The following WDR19 variants were observed in gnomAD, a reference collection of about 807,000 sequenced individuals.
WDR19 encodes the protein WD repeat domain 19.
Under a neutral mutation model 180.0 loss-of-function variants are expected in WDR19, and 121 were observed. The observed-to-expected ratio is 0.67, with a 90% CI of 0.58 to 0.78. The LOEUF (loss-of-function observed/expected upper bound fraction) is 0.78. Ranked by LOEUF, WDR19 falls within the 30% of genes least tolerant of loss-of-function variation. WDR19 has a pLI of 0.00. For synonymous variants in WDR19, 497 were observed against 540.7 expected (o/e 0.92, Z 1.12); for missense variants, 1,450 against 1,640.7 (o/e 0.88, Z 2.01).
Position 39,228,701 on chromosome 4 carries a change from A to T in WDR19, c.1982+11A>T. On this transcript the variant is annotated intron_variant, in intron 17 of 36. Coordinates refer to ENST00000399820, the MANE Select transcript of WDR19 (RefSeq NM_025132.4). ...TTTAATGCTAAAGAGGTAGGCTTTC[A>T]CACACTTCTTTTGGAACTTCTCATT... is the stretch of plus-strand genomic sequence containing the variant. 6.5e-7 allele frequency: 1 copy of T among 1,528,190 alleles called. No individual in the cohort carries two copies. The highest frequency in any genetic ancestry group is 8.8e-7 in the Non-Finnish European group (1 of 1,137,412). The allele number at this position is 1,528,190 out of a possible 1,614,324, so 94.7% of individuals were successfully genotyped here.
At chr4:39,229,112 C>G (rs188103802) in intron 17 of WDR19, among the ~76,000 whole-genome samples, 1 of 152,194 alleles carries the variant, frequency 6.6e-6, no homozygotes, top group Admixed American at 6.5e-5. Context: ...CATATTGCTG[C>G]AAAAGACATG....
At chr4:39,261,284 G>A (rs190802982) in intron 28 of WDR19, among the ~76,000 whole-genome samples, 90 of 152,048 alleles carry the variant, frequency 5.9e-4, no homozygotes, top group African/African-American at 2.0e-3. Context: ...GAGCCACCGC[G>A]CCCGGCCTGG....
At position 39,277,121 on chromosome 4, in the gene WDR19, GTATCCCA is replaced by G; in HGVS notation, c.3822_3828del (p.Pro1275AlafsTer9). On this transcript the variant is annotated frameshift_variant, in exon 34 of 37. Transcript: ENST00000399820. LOFTEE classifies it high-confidence loss of function. ...CTCCTCTGTCCTGGATGTAAAAACA[GTATCCCA>G]TATTGCATTGCAACAGTGAGTTCCT... 6.2e-7 allele frequency: 1 copy of G among 1,612,552 alleles called. No individual in the cohort carries two copies. The highest frequency in any genetic ancestry group is 8.5e-7 in the Non-Finnish European group (1 of 1,179,388).
chr4:39,238,413 C>T (rs896479), intron 20 of WDR19, among the ~76,000 whole-genome samples: 148,642 of 152,298 alleles, frequency 0.98, 72,632 homozygotes, highest in Middle Eastern at 1. Context: ...GAGCTAAAAA[C>T]AACATAAAAA....
intron 21 of WDR19, among the ~76,000 whole-genome samples, chr4:39,241,795 C>CAAA (rs539065242): frequency 4.4e-4 from 55 of 125,896 alleles, no homozygotes; most frequent in Middle Eastern, 4.1e-3. Context: ...AACTCTGTCT[C>CAAA]AAAAAAAAAA....
chr4:39,231,676 A>G (rs1730881421), intron 17 of WDR19, 121 bp from the exon 18 acceptor site: 2 of 789,480 alleles, frequency 2.5e-6, no homozygotes, highest in Admixed American at 7.0e-5. Flanking sequence ...TGACAATTAC[A>G]GGTTAAGAAA....
At chr4:39,253,079 A>G (rs1474194378) in intron 24 of WDR19, 67 bp from the exon 25 acceptor site, 13 of 1,474,346 alleles carry the variant, frequency 8.8e-6, no homozygotes, top group African/African-American at 5.8e-5. Flanking sequence ...TGTCCTAAAC[A>G]TTTATCAACA....
rs1727822059 is a variant in WDR19, at chr4:39,205,223, C to A, written c.673C>A (p.Leu225Ile). ...GAATGAACCAGATAACCCAGCTGAT[C>A]TTGAATTTCAGCAGGACTTTGGCAA... ...NLNEPDNPAD[L>I]EFQQDFGNIV... Residue 225 changes from leucine to isoleucine, a missense_variant, in exon 8 of 37, where the codon CTT (leucine) becomes ATT (isoleucine). By Grantham distance (5) the Leu-to-Ile change is conservative (BLOSUM62 2). Transcript: ENST00000399820. 6.2e-7 allele frequency: 1 copy of A among 1,602,812 alleles called. No homozygotes were observed. The highest frequency in any genetic ancestry group is 1.7e-5 in the Admixed American group (1 of 58,510).
At chr4:39,183,160 C>A (rs1725128666) in intron 1 of WDR19, among the ~76,000 whole-genome samples, 1 of 151,154 alleles carries the variant, frequency 6.6e-6, no homozygotes, top group East Asian at 2.0e-4. Flanking sequence ...TCTGCACGCA[C>A]GGTTTCTAGG....
intron 36 of WDR19, among the ~76,000 whole-genome samples, chr4:39,282,121 C>T (rs569076437): frequency 4.3e-4 from 66 of 152,222 alleles, no homozygotes; most frequent in African/African-American, 1.6e-3. Flanking sequence ...TGCAAAATTC[C>T]TTCATCTCTA....
intron 24 of WDR19, among the ~76,000 whole-genome samples, chr4:39,248,388 C>A (rs983871496): frequency 6.6e-6 from 1 of 152,216 alleles, no homozygotes; most frequent in African/African-American, 2.4e-5. Flanking sequence ...GTACCAGCCA[C>A]TGCAAAAACA....
In WDR19 at chr4:39,183,250, C is replaced by CTTTTTTT. The variant is rs113490249; in HGVS notation, c.6+701_6+707dup. Reference sequence around the variant, plus strand: ...TCTGCTCTGGCAAAGAAATGGAAGGCTTTTTTTTTTTTTTTTTTTTACTGA... The same window carrying CTTTTTTT: ...TCTGCTCTGGCAAAGAAATGGAAGGCTTTTTTTTTTTTTTTTTTTTTTTTTTTACTGA... On this transcript the variant is annotated intron_variant, in intron 1 of 36. Transcript: ENST00000399820. Among the ~76,000 whole-genome samples, 262 of 79,242 alleles carry CTTTTTTT rather than the reference C, an allele frequency of 3.3e-3. 50 individuals are homozygous for CTTTTTTT. Among genetic ancestry groups the CTTTTTTT allele is most frequent in the African/African-American group, 9.5e-3 (191 of 20,076 alleles). 52.0% of individuals were successfully genotyped at this position (79,242 alleles called of 152,430 possible). A position where few individuals can be genotyped will look rare whatever the true frequency, so the allele number is the denominator to read the frequency against.
chr4:39,190,310 C>A (rs1726017626), intron 4 of WDR19, among the ~76,000 whole-genome samples: 1 of 152,234 alleles, frequency 6.6e-6, no homozygotes, highest in Non-Finnish European at 1.5e-5. Flanking sequence ...GATTGGTACT[C>A]CCACCAAGTG....
chr4:39,231,784 T>G lies in WDR19; in HGVS notation c.1983-13T>G. 2.5e-6 allele frequency: 4 copies of G among 1,571,938 alleles called. No homozygotes were observed. Among genetic ancestry groups the G allele is most frequent in the Non-Finnish European group, 3.5e-6 (4 of 1,150,818 alleles). On this transcript the variant is annotated splice_polypyrimidine_tract_variant and intron_variant, in intron 17 of 36. Coordinates refer to ENST00000399820, the MANE Select transcript of WDR19 (RefSeq NM_025132.4). ...TGGAACATTCTGATTAAGCTTATGTTCTTACATCCCAGGTTTTCTGATGCT... is the reference window on the plus strand; with the variant it reads ...TGGAACATTCTGATTAAGCTTATGTGCTTACATCCCAGGTTTTCTGATGCT...
intron 20 of WDR19, among the ~76,000 whole-genome samples, chr4:39,238,514 A>G (rs1341626026): frequency 6.6e-6 from 1 of 152,242 alleles, no homozygotes; most frequent in Non-Finnish European, 1.5e-5. Flanking sequence ...TGATTATATC[A>G]GCTGAGCTAG....
intron 1 of WDR19, 148 bp downstream of exon 1, chr4:39,182,711 G>C (rs972878086): frequency 1.8e-5 from 23 of 1,289,604 alleles, no homozygotes; most frequent in Non-Finnish European, 2.3e-5. Flanking sequence ...CAGAGAGAGC[G>C]GGGGCGAAGC....
rs548057362 is a variant in WDR19 at position 39,201,131 on chromosome 4, G to A, written c.522+1538G>A. Among the ~76,000 whole-genome samples the A allele has an allele frequency of 2.0e-5, 3 of 152,138 alleles. No homozygotes were observed. The South Asian group carries it at 6.2e-4, about 32-fold the overall frequency. The stretch of plus-strand genomic sequence containing the variant: ...GTAACAGAGAGACAAAGTCACCTAC[G>A]TACCTCTGCTTCACTAAATTGTACC... On this transcript the variant is annotated intron_variant, in intron 6 of 36. Coordinates refer to ENST00000399820, the MANE Select transcript of WDR19 (RefSeq NM_025132.4).
rs779335227 is a variant in WDR19, at chr4:39,225,003, T to C, written c.1599T>C (p.Asp533=). Residue 533 remains aspartate (D), a synonymous_variant, in exon 15 of 37, where the codon GAT becomes GAC. Transcript: ENST00000399820. ...ATGGGACCAGATTAGTTTTCATTGATGAAAAAAGTGATGGATTTGTTTACT... is the reference window on the plus strand; with the variant it reads ...ATGGGACCAGATTAGTTTTCATTGACGAAAAAAGTGATGGATTTGTTTACT... ...DPNGTRLVFI[D]EKSDGFVYCP... The C allele has an allele frequency of 1.9e-6, 3 of 1,565,236 alleles. No individual in the cohort carries two copies. The South Asian group carries it at 3.6e-5, about 19-fold the overall frequency.
chr4:39,281,265 A>C (rs1370454281), intron 36 of WDR19, among the ~76,000 whole-genome samples: 1 of 149,068 alleles, frequency 6.7e-6, no homozygotes, highest in African/African-American at 2.5e-5. Context: ...AGAGAGAGAA[A>C]GCCTACTAAC....
Sources: gnomAD v4.1 joint callset for allele counts (sites outside exome capture counted in the v4.1 genomes callset) on GRCh38, gnomAD v4.1.1 for gene constraint, MANE v1.5 for transcripts, NCBI Gene and HGNC (gene_info 2026-07-23, HGNC 2026-07-21) for gene names.